Variants in ZNF536 observed in about 807,000 individuals in gnomAD.
ZNF536 encodes zinc finger protein 536.
In ZNF536, 13 loss-of-function variants were observed where a neutral mutation model predicts 84.5. The ratio of observed to expected loss-of-function variants is 0.15; its 90% CI spans 0.10 to 0.24. ZNF536 has a LOEUF of 0.24. Ranked by LOEUF, ZNF536 falls within the 10% of genes least tolerant of loss-of-function variation. The pLI is 1.00. For missense variants in ZNF536, 1,536 were observed against 1,747.5 expected (o/e 0.88, Z 2.16); for synonymous variants, 811 against 742.5 (o/e 1.09, Z -1.50).
chr19:30,682,164 T>G (rs963145989), intron 1 of ZNF536, among the ~76,000 whole-genome samples: 1 of 152,092 alleles, frequency 6.6e-6, no homozygotes, highest in Non-Finnish European at 1.5e-5. Flanking sequence ...AGGAGCTCAC[T>G]GGGTTCTGAC....
rs978195972 is a variant in ZNF536 at position 30,228,787 on chromosome 19, G to A, written c.-190+114G>A. ...CGGCCTCGCGTGTGGGCGGCTGGGC[G>A]GCTGGGCGGCGGGAGGACGGCCTCC... is the stretch of plus-strand genomic sequence containing the variant. On this transcript the variant is annotated intron_variant, in intron 1 of 5. Transcript: ENST00000585628. The surrounding 1 kb of genome is among the most constrained non-coding windows in gnomAD (Gnocchi z 4.5). 6 of 151,164 alleles carry A rather than the reference G, an allele frequency of 4.0e-5. No homozygotes were observed. The highest frequency in any genetic ancestry group is 1.5e-4 in the African/African-American group (6 of 41,290). The allele number at this position is 151,164 out of a possible 1,614,324, so 9.4% of individuals were successfully genotyped here.
Position 30,567,165 on chromosome 19 carries a change from A to G in ZNF536, c.169+17651A>G, listed in dbSNP as rs539638429. Among the ~76,000 whole-genome samples, 7 of 152,376 alleles carry G rather than the reference A, an allele frequency of 4.6e-5. 1 individual carries two copies. The highest frequency in any genetic ancestry group is 1.7e-4 in the African/African-American group (7 of 41,596). On this transcript the variant is annotated intron_variant, in intron 1 of 1. Coordinates refer to the ZNF536 transcript ENST00000592773. ...GTCAAAAATAAAGAAACCAACCAAAAGTACATAACAACAGCCAGTTCCTGC... is the reference window on the plus strand; with the variant it reads ...GTCAAAAATAAAGAAACCAACCAAAGGTACATAACAACAGCCAGTTCCTGC...
intron 1 of ZNF536, among the ~76,000 whole-genome samples, chr19:30,392,686 T>C (rs924393761): frequency 1.3e-5 from 2 of 152,078 alleles, no homozygotes; most frequent in Admixed American, 6.6e-5. Context: ...AAACAAAGAG[T>C]TATGAGTGCT....
upstream of ZNF536, among the ~76,000 whole-genome samples, chr19:30,370,387 G>A (rs1414871653): frequency 6.6e-6 from 1 of 152,174 alleles, no homozygotes; most frequent in African/African-American, 2.4e-5. Context: ...AAACCCCAGG[G>A]TGTTTTTGTT....
At chr19:30,341,574 A>G (rs997314217) in intron 2 of ZNF536, among the ~76,000 whole-genome samples, 3 of 152,148 alleles carry the variant, frequency 2.0e-5, no homozygotes, top group African/African-American at 7.2e-5. Flanking sequence ...CACCAAAGTT[A>G]ATAAAGTTCA....
intron 2 of ZNF536, among the ~76,000 whole-genome samples, chr19:30,530,466 T>G (rs768605124): frequency 2.0e-5 from 3 of 152,034 alleles, no homozygotes; most frequent in Admixed American, 6.6e-5. Context: ...CCTGCCTCAG[T>G]CTCCCAAGTA....
chr19:30,482,025 T>C (rs926797332), intron 2 of ZNF536, among the ~76,000 whole-genome samples: 1 of 152,246 alleles, frequency 6.6e-6, no homozygotes, highest in Admixed American at 6.5e-5. Flanking sequence ...TAGTATTCCA[T>C]GGTGTATATG....
chr19:30,707,025 T>C (rs1413504998), intron 1 of ZNF536, among the ~76,000 whole-genome samples: 1 of 152,188 alleles, frequency 6.6e-6, no homozygotes. Flanking sequence ...TTTTCTTGCT[T>C]AATAGTGTCC....
chr19:30,354,686 T>C (rs2048037744), intron 3 of ZNF536, among the ~76,000 whole-genome samples: 1 of 152,170 alleles, frequency 6.6e-6, no homozygotes, highest in South Asian at 2.1e-4. Flanking sequence ...CTGGGTCACA[T>C]GAACTGGAAG....
chr19:30,432,018 T>C (rs201543454), intron 1 of ZNF536, among the ~76,000 whole-genome samples: 120 of 145,662 alleles, frequency 8.2e-4, no homozygotes, highest in East Asian at 2.3e-3. Flanking sequence ...CACACACACA[T>C]ACACACACAC....
intron 2 of ZNF536, among the ~76,000 whole-genome samples, chr19:30,350,010 C>G (rs1282018839): frequency 1.4e-5 from 2 of 148,064 alleles, no homozygotes; most frequent in Non-Finnish European, 3.0e-5. Context: ...TTTTTTTTTT[C>G]TATTCATTTT....
At chr19:30,423,107 A>C (rs2051048604) in intron 1 of ZNF536, among the ~76,000 whole-genome samples, 1 of 81,826 alleles carries the variant, frequency 1.2e-5, no homozygotes. Flanking sequence ...TCATCTACAC[A>C]TCCATCCATC....
intron 1 of ZNF536, among the ~76,000 whole-genome samples, chr19:30,264,354 C>T (rs539503445): frequency 2.0e-5 from 3 of 151,320 alleles, no homozygotes; most frequent in African/African-American, 7.3e-5. Flanking sequence ...TTCACACCCT[C>T]CCCTGATCCC....
chr19:30,249,664 G>A (rs1413380909), intron 1 of ZNF536, among the ~76,000 whole-genome samples: 1 of 152,142 alleles, frequency 6.6e-6, no homozygotes, highest in East Asian at 1.9e-4. Flanking sequence ...ACAAAACAAA[G>A]CAAAACCAAA....
chr19:30,351,865 T>C (rs1187969313), intron 2 of ZNF536, among the ~76,000 whole-genome samples: 1 of 152,226 alleles, frequency 6.6e-6, no homozygotes, highest in Non-Finnish European at 1.5e-5. Context: ...GACTTCATGT[T>C]AGGAAATCTT....
chr19:30,367,733 G>T (rs1192162534), upstream of ZNF536, among the ~76,000 whole-genome samples: 1 of 152,214 alleles, frequency 6.6e-6, no homozygotes, highest in South Asian at 2.1e-4. Context: ...AGAGTCTGGA[G>T]TAGCTGAGGG....
rs192591269 is a variant in ZNF536, at chr19:30,588,264, C to T, written c.169+38750C>T. On this transcript the variant is annotated intron_variant, in intron 1 of 1. Transcript: ENST00000592773. ...GTCACCTAACTGTTGAGCATCACCA[C>T]GGCAGTGGCATGCCAGGTACAGCCC... Among the ~76,000 whole-genome samples the T allele has an allele frequency of 1.9e-3, 289 of 152,320 alleles. 2 individuals carry two copies. The highest frequency in any genetic ancestry group is 6.6e-3 in the Admixed American group (101 of 15,302).
chr19:30,694,042 G>A (rs372906389), intron 1 of ZNF536, among the ~76,000 whole-genome samples: 1 of 152,208 alleles, frequency 6.6e-6, no homozygotes, highest in South Asian at 2.1e-4. Context: ...TGTGCAGGTA[G>A]TGAATTATCC....
chr19:30,455,574 G>A (rs773465626), intron 2 of ZNF536, among the ~76,000 whole-genome samples: 2 of 152,130 alleles, frequency 1.3e-5, no homozygotes, highest in African/African-American at 4.8e-5. Context: ...GGTGGCATAT[G>A]CCTGTAGTCC....
Sources: gnomAD v4.1 joint callset for allele counts (sites outside exome capture counted in the v4.1 genomes callset) on GRCh38, gnomAD v4.1.1 for gene constraint, Gnocchi (gnomAD v3.1) non-coding constraint, MANE v1.5 for transcripts, NCBI Gene and HGNC (gene_info 2026-07-23, HGNC 2026-07-21) for gene names.